The following NXPE4 variants were observed in gnomAD, a reference collection of about 807,000 sequenced individuals.
NXPE4 encodes the protein neurexophilin and PC-esterase domain family member 4, also known as NXPE family member 4.
In NXPE4, 42 loss-of-function variants were observed where a neutral mutation model predicts 33.3. The observed-to-expected ratio is 1.26, with a 90% CI of 0.98 to 1.63. NXPE4 has a LOEUF of 1.63. Ranked by LOEUF, NXPE4 falls within the 40% of genes most tolerant of loss-of-function variation. The probability of loss-of-function intolerance (pLI) is 0.00; values close to 1 mark genes in which losing one functional copy is unlikely to be tolerated. For missense variants in NXPE4, 709 were observed against 647.6 expected (o/e 1.09, Z -1.03); for synonymous variants, 253 against 234.9 (o/e 1.08, Z -0.71).
chr11:114,621,665 T>C, the NXPE4 span, among the ~76,000 whole-genome samples: 3 of 152,200 alleles, frequency 2.0e-5, no homozygotes, highest in Admixed American at 1.3e-4. Context: ...TGTTACCCTG[T>C]GGATAATAAG....
chr11:114,589,082 C>T (rs575095764), intron 2 of NXPE4, among the ~76,000 whole-genome samples: 18 of 152,158 alleles, frequency 1.2e-4, no homozygotes, highest in Non-Finnish European at 1.8e-4. Flanking sequence ...GGTGCATCTG[C>T]GAGTTGCTAT....
At chr11:114,584,475 C>T in intron 2 of NXPE4, 1 of 186,306 alleles carries the variant, frequency 5.4e-6, no homozygotes, top group Non-Finnish European at 1.1e-5. Context: ...CATCTCCATC[C>T]GTTTCTCTGA....
At chr11:114,630,682 TTAAAC>T in the NXPE4 span, among the ~76,000 whole-genome samples, 2 of 150,530 alleles carry the variant, frequency 1.3e-5, no homozygotes, top group African/African-American at 4.9e-5. Flanking sequence ...TGGGATCTAA[TTAAAC>T]TAAAGAGCTT....
intron 2 of NXPE4, among the ~76,000 whole-genome samples, chr11:114,587,028 C>G (rs1184571748): frequency 6.6e-6 from 1 of 152,118 alleles, no homozygotes; most frequent in Non-Finnish European, 1.5e-5. Context: ...TCAAGGTCAA[C>G]AGCATCACCT....
chr11:114,669,583 A>G, the NXPE4 span, among the ~76,000 whole-genome samples: 18 of 152,074 alleles, frequency 1.2e-4, no homozygotes, highest in African/African-American at 3.6e-4. Flanking sequence ...TGGACTGAGA[A>G]TACCAAGCTC....
chr11:114,660,256 A>AT, the NXPE4 span, among the ~76,000 whole-genome samples: 11 of 152,002 alleles, frequency 7.2e-5, no homozygotes, highest in Non-Finnish European at 1.0e-4. Flanking sequence ...AATTCTACTG[A>AT]TTTTTTTCAG....
chr11:114,669,052 T>C, the NXPE4 span, among the ~76,000 whole-genome samples: 41 of 151,992 alleles, frequency 2.7e-4, no homozygotes, highest in Non-Finnish European at 4.3e-4. Context: ...CTGATCAGAT[T>C]TAGAGCTCCA....
chr11:114,603,706 T>A, the NXPE4 span, among the ~76,000 whole-genome samples: 1,226 of 151,818 alleles, frequency 8.1e-3, 14 homozygotes, highest in African/African-American at 0.027. Context: ...ATGATAAGTA[T>A]TGCCTCGTCT....
the NXPE4 span, among the ~76,000 whole-genome samples, chr11:114,630,812 C>T: frequency 6.6e-6 from 1 of 151,702 alleles, no homozygotes; most frequent in Non-Finnish European, 1.5e-5. Context: ...ACAATGAACT[C>T]AAACAAATTT....
At chr11:114,644,765 A>C in the NXPE4 span, among the ~76,000 whole-genome samples, 2 of 151,996 alleles carry the variant, frequency 1.3e-5, no homozygotes, top group East Asian at 3.9e-4. Context: ...AGGGCCAAAA[A>C]TACATATCTA....
the NXPE4 span, among the ~76,000 whole-genome samples, chr11:114,664,408 G>A: frequency 0.032 from 4,867 of 152,186 alleles, 110 homozygotes; most frequent in Non-Finnish European, 0.044. Context: ...TATCTTGATT[G>A]TGGTGGTAGT....
At chr11:114,607,803 G>A in the NXPE4 span, among the ~76,000 whole-genome samples, 2 of 151,622 alleles carry the variant, frequency 1.3e-5, no homozygotes, top group Non-Finnish European at 2.9e-5. Flanking sequence ...AATAAGTGTT[G>A]CCTCTTCAGT....
chr11:114,646,705 A>G, the NXPE4 span, among the ~76,000 whole-genome samples: 5 of 152,142 alleles, frequency 3.3e-5, no homozygotes, highest in African/African-American at 9.7e-5. Context: ...TTGAGGACAC[A>G]ACCTGCCAAG....
At chr11:114,623,856 C>T in the NXPE4 span, among the ~76,000 whole-genome samples, 6 of 152,030 alleles carry the variant, frequency 3.9e-5, no homozygotes, top group Admixed American at 6.6e-5. Context: ...AGTGTTGCCT[C>T]GTGGTTAACA....
the NXPE4 span, among the ~76,000 whole-genome samples, chr11:114,652,283 G>T: frequency 6.6e-6 from 1 of 152,344 alleles, no homozygotes; most frequent in South Asian, 2.1e-4. Context: ...AAGGGGAAAT[G>T]ATGCCCTTAA....
the NXPE4 span, among the ~76,000 whole-genome samples, chr11:114,632,400 T>A: frequency 2.3e-5 from 3 of 132,834 alleles, no homozygotes; most frequent in Non-Finnish European, 4.6e-5. Flanking sequence ...AATATAAATA[T>A]ACATATATAA....
the NXPE4 span, among the ~76,000 whole-genome samples, chr11:114,636,432 G>T: frequency 2.8e-4 from 42 of 148,650 alleles, 1 homozygote; most frequent in South Asian, 8.7e-4. Context: ...TTCGTTAATT[G>T]TTTGAAGGGT....
chr11:114,628,030 G>A, the NXPE4 span, among the ~76,000 whole-genome samples: 2 of 151,352 alleles, frequency 1.3e-5, no homozygotes, highest in East Asian at 3.9e-4. Flanking sequence ...CAAGTCCTGA[G>A]TGACCTACAA....
chr11:114,639,889 ATATAT>A, the NXPE4 span, among the ~76,000 whole-genome samples: 6 of 112,392 alleles, frequency 5.3e-5, no homozygotes, highest in African/African-American at 1.1e-4. Context: ...AAAATATGTT[ATATAT>A]TATATTAAAT....
Sources: allele counts gnomAD v4.1 joint callset (sites outside exome capture counted in the v4.1 genomes callset), GRCh38; gene constraint gnomAD v4.1.1; transcripts MANE v1.5; gene names NCBI Gene and HGNC (gene_info 2026-07-23, HGNC 2026-07-21).